TTYH2: variants seen among roughly 807,000 people sequenced by gnomAD.
TTYH2 encodes tweety family member 2.
In TTYH2, 49 loss-of-function variants were observed where a neutral mutation model predicts 68.3. The observed-to-expected ratio is 0.72, with a 90% CI of 0.57 to 0.91. The LOEUF is 0.91. TTYH2 is among the 40% of genes least tolerant of loss of function. The pLI, the probability that TTYH2 is intolerant of heterozygous loss-of-function variation, is 0.00. For missense variants in TTYH2, 631 were observed against 700.4 expected, an observed-to-expected ratio of 0.90 and a Z score of 1.12; for synonymous variants, 272 against 300.8, an observed-to-expected ratio of 0.90 and a Z score of 0.99.
chr17:74,244,396 G>A lies in TTYH2; in HGVS notation c.804+347G>A, dbSNP rs534540118. 3.3e-4 allele frequency among the ~76,000 whole-genome samples: 51 copies of A among 152,302 alleles called. 1 individual carries two copies. Among genetic ancestry groups the A allele is most frequent in the Admixed American group, 7.8e-4 (12 of 15,306 alleles). ...TCTCTCTGGGTGTGAAGAACTGACC[G>A]GGTCTCCTGAGAATGGGTAGGGGTC... is the stretch of plus-strand genomic sequence containing the variant. On this transcript the variant is annotated intron_variant, in intron 6 of 13. Coordinates refer to ENST00000269346, the MANE Select transcript of TTYH2 (RefSeq NM_032646.6).
Position 74,222,801 on chromosome 17 carries a change from T to TTTC in TTYH2, c.302+144_302+145insTTC. 1.0e-6 allele frequency: 1 copy of TTTC among 986,610 alleles called. No individual in the cohort carries two copies. The highest frequency in any genetic ancestry group is 1.7e-5 in the African/African-American group (1 of 60,580). 61.1% of individuals were successfully genotyped at this position (986,610 alleles called of 1,614,324 possible). A position where few individuals can be genotyped will look rare whatever the true frequency, so the allele number is the denominator to read the frequency against. ...TGAATGTTGTCCCTTTTTTTTTTTT[T>TTTC]ACCAAGCATCAGGAATCAGATGCCT... is the stretch of plus-strand genomic sequence containing the variant. On this transcript the variant is annotated intron_variant, in intron 2 of 13. Transcript: ENST00000269346. The surrounding 1 kb of genome is among the most constrained non-coding windows in gnomAD (Gnocchi z 5.2).
In TTYH2 at chr17:74,229,907, G is replaced by T. The variant is rs543265609; in HGVS notation, c.303-981G>T. On this transcript the variant is annotated intron_variant, in intron 2 of 13. Transcript: ENST00000269346. ...GCACTTTGGGAGGCCAAGGCAGGTG[G>T]ATCACCTGAGGTCAGGAGTTCAAGA... Among the ~76,000 whole-genome samples the T allele has an allele frequency of 3.3e-5, 5 of 152,306 alleles. No individual in the cohort carries two copies. In the South Asian group the frequency reaches 1.0e-3, roughly 32 times the overall value.
chr17:74,247,448 A>G (rs1472943594), intron 6 of TTYH2, among the ~76,000 whole-genome samples: 2 of 152,160 alleles, frequency 1.3e-5, no homozygotes, highest in Non-Finnish European at 2.9e-5. Context: ...AAACCATCCT[A>G]TGCACCTATC....
rs1188119698 is a variant in TTYH2, at chr17:74,239,307, C to T, written c.635+1793C>T. On this transcript the variant is annotated intron_variant, in intron 4 of 13. Coordinates refer to ENST00000269346, the MANE Select transcript of TTYH2 (RefSeq NM_032646.6). The surrounding 1 kb of genome is among the most constrained non-coding windows in gnomAD (Gnocchi z 5.3). ...GGCTGAATGATGGCCTGGGCTTGTG[C>T]TCCCAGGGCCCGGGCCTAGCATGGA... Among the ~76,000 whole-genome samples the T allele has an allele frequency of 6.6e-6, 1 of 152,200 alleles. No homozygotes were observed. Among genetic ancestry groups the T allele is most frequent in the Non-Finnish European group, 1.5e-5 (1 of 68,038 alleles).
At chr17:74,219,659 C>A (rs879515973) in intron 1 of TTYH2, among the ~76,000 whole-genome samples, 1 of 152,182 alleles carries the variant, frequency 6.6e-6, no homozygotes, top group Non-Finnish European at 1.5e-5. Context: ...ATAAATTAAT[C>A]CATACAGTTC....
At chr17:74,254,457 C>T (rs58273781) in intron 13 of TTYH2, among the ~76,000 whole-genome samples, 6,591 of 152,266 alleles carry the variant, frequency 0.043, 429 homozygotes, top group African/African-American at 0.15. Context: ...CATGAGCCAC[C>T]GCGCCCGGCC....
chr17:74,253,949 A>G lies in TTYH2; in HGVS notation c.1524+116A>G, dbSNP rs559811656. 19 of 1,128,822 alleles carry G rather than the reference A, an allele frequency of 1.7e-5. 1 individual carries two copies. In the South Asian group the frequency reaches 2.1e-4, roughly 12 times the overall value. The allele number at this position is 1,128,822 out of a possible 1,614,324, so 69.9% of individuals were successfully genotyped here. On this transcript the variant is annotated intron_variant, in intron 13 of 13. Coordinates refer to ENST00000269346, the MANE Select transcript of TTYH2 (RefSeq NM_032646.6). ...AAGAATGAAACTGTTCTGTTATTGAATATGCACTAAACCAGACCGTCGTGG... is the reference window on the plus strand; with the variant it reads ...AAGAATGAAACTGTTCTGTTATTGAGTATGCACTAAACCAGACCGTCGTGG...
At chr17:74,231,205 G>A (rs1248859341) in intron 3 of TTYH2, among the ~76,000 whole-genome samples, 1 of 152,232 alleles carries the variant, frequency 6.6e-6, no homozygotes, top group Non-Finnish European at 1.5e-5. Context: ...GGGGTGGCAG[G>A]GATGGGGGTG....
chr17:74,236,707 TTC>T (rs2143747775), intron 3 of TTYH2, among the ~76,000 whole-genome samples: 1 of 152,252 alleles, frequency 6.6e-6, no homozygotes, highest in African/African-American at 2.4e-5. Flanking sequence ...GGCGCCAGCA[TTC>T]TCTCTCTCGG....
At chr17:74,243,216 G>C (rs1169619071) in intron 4 of TTYH2, among the ~76,000 whole-genome samples, 158 bp from the exon 5 acceptor site, 1 of 152,174 alleles carries the variant, frequency 6.6e-6, no homozygotes, top group Non-Finnish European at 1.5e-5. Context: ...AGCTCCCGAG[G>C]CTTCAGCCCA....
intron 6 of TTYH2, among the ~76,000 whole-genome samples, chr17:74,247,784 T>C (rs62065677): frequency 0.14 from 21,197 of 152,186 alleles, 1,549 homozygotes; most frequent in Non-Finnish European, 0.15. Context: ...GGTTGATGTA[T>C]TATGAATGCT....
intron 10 of TTYH2, chr17:74,251,825 G>C (rs1022049531): frequency 5.3e-6 from 1 of 188,412 alleles, no homozygotes; most frequent in East Asian, 1.5e-4. Context: ...GGCCCAGCAC[G>C]ACCCAGCCCC....
At chr17:74,248,271 G>T (rs1056970887) in intron 6 of TTYH2, 36 of 985,668 alleles carry the variant, frequency 3.7e-5, no homozygotes, top group Admixed American at 6.1e-5. Flanking sequence ...CCCCAGGCCA[G>T]ATCTGGGGTG....
rs1317994179 is a variant in TTYH2, at chr17:74,261,548, A to G, written c.*1339A>G. On this transcript the variant is annotated 3_prime_UTR_variant, in exon 14 of 14. Transcript: ENST00000269346. Reference sequence around the variant, plus strand: ...GTCCCCCAATACTGCCTGTTGAGGGACCAGAGTTGGGGTCTTTGGTGCTTC... The same window carrying G: ...GTCCCCCAATACTGCCTGTTGAGGGGCCAGAGTTGGGGTCTTTGGTGCTTC... 1 of 152,282 alleles carries G rather than the reference A, an allele frequency of 6.6e-6. No individual in the cohort carries two copies. Among genetic ancestry groups the G allele is most frequent in the Non-Finnish European group, 1.5e-5 (1 of 67,996 alleles). The allele number at this position is 152,282 out of a possible 1,614,324, so 9.4% of individuals were successfully genotyped here. A position where few individuals can be genotyped will look rare whatever the true frequency, so the allele number is the denominator to read the frequency against.
intron 3 of TTYH2, among the ~76,000 whole-genome samples, chr17:74,233,249 G>C (rs796437343): frequency 3.9e-4 from 60 of 152,256 alleles, no homozygotes; most frequent in African/African-American, 1.4e-3. Context: ...GTCCTTACTA[G>C]GACCTGTGAG....
intron 3 of TTYH2, 135 bp downstream of exon 3, chr17:74,231,134 C>G: frequency 1.3e-6 from 1 of 786,476 alleles, no homozygotes; most frequent in Non-Finnish European, 2.0e-6. Context: ...GGCTGGACCC[C>G]CGCCTGCGCT....
rs1377811323 is a variant in TTYH2 at position 74,215,999 on chromosome 17, G to C, written c.129+2283G>C. Among the ~76,000 whole-genome samples, 3 of 152,242 alleles carry C rather than the reference G, an allele frequency of 2.0e-5. No individual in the cohort carries two copies. The highest frequency in any genetic ancestry group is 6.5e-5 in the Admixed American group (1 of 15,288). ...TCCAGTTGGCTGGGGTGGATTCCCA[G>C]TTCTTTCCATGTGTGACCACGGGTA... On this transcript the variant is annotated intron_variant, in intron 1 of 13. Transcript: ENST00000269346. The surrounding 1 kb of genome is among the most constrained non-coding windows in gnomAD (Gnocchi z 4.3).
intron 4 of TTYH2, among the ~76,000 whole-genome samples, chr17:74,238,780 T>C (rs1321378083): frequency 6.7e-6 from 1 of 150,324 alleles, no homozygotes; most frequent in African/African-American, 2.4e-5. Context: ...GGCAGCAGAA[T>C]TGCTTGAACC....
chr17:74,240,114 C>G (rs924680394), intron 4 of TTYH2, among the ~76,000 whole-genome samples: 1 of 152,164 alleles, frequency 6.6e-6, no homozygotes, highest in Admixed American at 6.5e-5. Flanking sequence ...GACAGGACCC[C>G]CTGTGAGTCC....
Sources: allele counts gnomAD v4.1 joint callset (sites outside exome capture counted in the v4.1 genomes callset), GRCh38; gene constraint gnomAD v4.1.1; non-coding constraint Gnocchi (gnomAD v3.1); transcripts MANE v1.5; gene names NCBI Gene and HGNC (gene_info 2026-07-23, HGNC 2026-07-21).